OSBPL10: variants seen among roughly 807,000 people sequenced by gnomAD.
OSBPL10 encodes the protein oxysterol-binding protein-related protein 10.
In OSBPL10, 49 loss-of-function variants were observed where a neutral mutation model predicts 81.7. That is an observed-to-expected ratio of 0.60 (90% CI 0.48 to 0.76). The LOEUF (loss-of-function observed/expected upper bound fraction) is 0.76. Among genes scored for constraint, OSBPL10 ranks in the 30% least tolerant of loss-of-function variants. OSBPL10 has a pLI of 0.00. For missense variants in OSBPL10, 923 were observed against 987.8 expected (o/e 0.93, Z 0.88); for synonymous variants, 419 against 383.6 (o/e 1.09, Z -1.08).
chr3:32,067,221 A>AT (rs917187534), intron 1 of OSBPL10, among the ~76,000 whole-genome samples: 5 of 152,000 alleles, frequency 3.3e-5, no homozygotes, highest in African/African-American at 7.2e-5. Flanking sequence ...TTTAATTTAA[A>AT]TTTTTTTGTA....
chr3:32,045,493 C>T (rs1291007326), intron 2 of OSBPL10, among the ~76,000 whole-genome samples: 1 of 152,158 alleles, frequency 6.6e-6, no homozygotes, highest in African/African-American at 2.4e-5. Flanking sequence ...TTTGTGTACA[C>T]GGTGAAAAGT....
chr3:31,936,025 C>T (rs1575045588), intron 1 of OSBPL10, among the ~76,000 whole-genome samples: 1 of 152,074 alleles, frequency 6.6e-6, no homozygotes, highest in South Asian at 2.1e-4. Context: ...GGCCATACCC[C>T]CTTCTCCTCT....
At chr3:31,702,184 CA>C (rs1313989649) in intron 7 of OSBPL10, among the ~76,000 whole-genome samples, 174 bp downstream of exon 7, 2 of 152,172 alleles carry the variant, frequency 1.3e-5, no homozygotes, top group African/African-American at 4.8e-5. Context: ...CATTTATGTA[CA>C]AATGTCCTTT....
chr3:31,895,134 C>CTTTTTTTTTTTTTT (rs10529845), intron 1 of OSBPL10, among the ~76,000 whole-genome samples: 3 of 124,896 alleles, frequency 2.4e-5, no homozygotes, highest in Admixed American at 8.1e-5. Flanking sequence ...TCTCTGCGGC[C>CTTTTTTTTTTTTTT]TTTTTTTTTT....
intron 1 of OSBPL10, among the ~76,000 whole-genome samples, chr3:31,949,497 T>A (rs531341340): frequency 6.6e-6 from 1 of 150,694 alleles, no homozygotes; most frequent in South Asian, 2.1e-4. Context: ...TGAAACTCGG[T>A]CTCTACTAAA....
At chr3:31,735,079 G>A (rs531474848) in intron 5 of OSBPL10, among the ~76,000 whole-genome samples, 3 of 152,224 alleles carry the variant, frequency 2.0e-5, no homozygotes, top group Non-Finnish European at 2.9e-5. Flanking sequence ...CAACTCAAGT[G>A]TATTTTTATG....
chr3:31,875,124 T>C (rs1292755908), intron 3 of OSBPL10, among the ~76,000 whole-genome samples: 2 of 147,870 alleles, frequency 1.4e-5, no homozygotes, highest in African/African-American at 5.0e-5. Flanking sequence ...ATGCATGTGA[T>C]CCCCATTTGT....
chr3:31,723,320 T>C (rs1343610989), intron 6 of OSBPL10, among the ~76,000 whole-genome samples: 4 of 152,206 alleles, frequency 2.6e-5, no homozygotes, highest in South Asian at 4.1e-4. Flanking sequence ...GGGCACCTCA[T>C]GGAGTCCACG....
At chr3:32,069,949 G>A (rs548615902) in intron 1 of OSBPL10, among the ~76,000 whole-genome samples, 4 of 152,328 alleles carry the variant, frequency 2.6e-5, no homozygotes, top group African/African-American at 9.6e-5. Context: ...CCCTGTCTGT[G>A]TGGGTCCCCA....
intron 2 of OSBPL10, among the ~76,000 whole-genome samples, chr3:32,012,201 G>A (rs1251767088): frequency 2.6e-5 from 4 of 152,230 alleles, no homozygotes; most frequent in South Asian, 2.1e-4. Context: ...GAGAAAGGTC[G>A]GGTTACCACA....
intron 6 of OSBPL10, among the ~76,000 whole-genome samples, chr3:31,731,815 G>A (rs572765868): frequency 4.6e-5 from 7 of 152,258 alleles, no homozygotes; most frequent in East Asian, 3.9e-4. Context: ...ACAGATAATC[G>A]TATGCTAATT....
intron 2 of OSBPL10, chr3:31,990,338 A>C (rs1213178202): frequency 6.2e-7 from 1 of 1,614,062 alleles, no homozygotes; most frequent in African/African-American, 1.3e-5. Flanking sequence ...TGGAGAATCC[A>C]TAATGAAGAG....
intron 2 of OSBPL10, among the ~76,000 whole-genome samples, chr3:31,994,541 G>A (rs538052836): frequency 6.6e-6 from 1 of 152,192 alleles, no homozygotes; most frequent in Non-Finnish European, 1.5e-5. Context: ...TGGATGGTCT[G>A]CCAGCCTAAC....
intron 2 of OSBPL10, chr3:31,988,885 A>G: frequency 1.5e-6 from 1 of 661,340 alleles, no homozygotes; most frequent in Non-Finnish European, 2.6e-6. Flanking sequence ...ACCCAGAGAG[A>G]CACTGAGCCA....
chr3:31,827,712 A>T (rs1700135868), intron 4 of OSBPL10, among the ~76,000 whole-genome samples: 2 of 152,194 alleles, frequency 1.3e-5, no homozygotes, highest in East Asian at 3.8e-4. Context: ...CAGGGAAAAA[A>T]ACCCAAAAGC....
At chr3:31,914,912 G>A (rs948094842) in intron 1 of OSBPL10, among the ~76,000 whole-genome samples, 1 of 152,090 alleles carries the variant, frequency 6.6e-6, no homozygotes, top group Admixed American at 6.5e-5. Context: ...TTACACTAGA[G>A]TATAAGCTCC....
chr3:31,847,726 A>G (rs1204277957), intron 3 of OSBPL10, among the ~76,000 whole-genome samples: 2 of 152,096 alleles, frequency 1.3e-5, no homozygotes, highest in Non-Finnish European at 2.9e-5. Context: ...AGGGAATTTA[A>G]TATGGAAAAT....
intron 1 of OSBPL10, among the ~76,000 whole-genome samples, chr3:31,942,623 T>C (rs1255988255): frequency 6.6e-6 from 1 of 151,558 alleles, no homozygotes; most frequent in Non-Finnish European, 1.5e-5. Context: ...CCTGGCTCCA[T>C]TGTCAGCATC....
chr3:31,954,367 C>T (rs1255096228), intron 1 of OSBPL10, among the ~76,000 whole-genome samples: 1 of 152,164 alleles, frequency 6.6e-6, no homozygotes, highest in Non-Finnish European at 1.5e-5. Context: ...TCCCAAGTTC[C>T]ATGAGGAGGG....
Sources: gnomAD v4.1 joint callset for allele counts (sites outside exome capture counted in the v4.1 genomes callset) on GRCh38, gnomAD v4.1.1 for gene constraint, MANE v1.5 for transcripts, NCBI Gene and HGNC (gene_info 2026-07-23, HGNC 2026-07-21) for gene names.